PLCG2: variants seen among roughly 807,000 people sequenced by gnomAD.
PLCG2 encodes phospholipase C gamma 2.
Under a neutral mutation model 175.6 loss-of-function variants are expected in PLCG2, and 69 were observed. The observed-to-expected ratio is 0.39, with a 90% CI of 0.32 to 0.48. The LOEUF is 0.48. Ranked by LOEUF, PLCG2 falls within the 20% of genes least tolerant of loss-of-function variation. PLCG2 has a pLI of 0.91. For missense variants in PLCG2, 1,798 were observed against 1,650.9 expected (o/e 1.09, Z -1.54); for synonymous variants, 827 against 624.0 (o/e 1.33, Z -4.85).
chr16:81,757,747 C>T (rs1299455767), intron 2 of PLCG2, among the ~76,000 whole-genome samples: 1 of 152,076 alleles, frequency 6.6e-6, no homozygotes, highest in Admixed American at 6.6e-5. Flanking sequence ...ACATCATCAC[C>T]ACAATCAATT....
chr16:81,753,301 T>G (rs1909849887), intron 1 of PLCG2, among the ~76,000 whole-genome samples: 2 of 147,450 alleles, frequency 1.4e-5, no homozygotes, highest in Admixed American at 6.8e-5. Flanking sequence ...TGGTCATTGG[T>G]GGGTTATGCC....
At chr16:81,776,218 C>G (rs1356199707), upstream of PLCG2, among the ~76,000 whole-genome samples, 1 of 150,738 alleles carries the variant, frequency 6.6e-6, no homozygotes, top group Non-Finnish European at 1.5e-5. Flanking sequence ...AGGCCATTCT[C>G]CTGCCTCAGC....
At chr16:81,890,320 A>G (rs1908571466) in intron 10 of PLCG2, among the ~76,000 whole-genome samples, 1 of 152,310 alleles carries the variant, frequency 6.6e-6, no homozygotes, top group East Asian at 1.9e-4. Context: ...AAGGGCTGGT[A>G]TTTAAACTAT....
intron 2 of PLCG2, among the ~76,000 whole-genome samples, chr16:81,786,684 T>C (rs1396028049): frequency 6.6e-6 from 1 of 152,232 alleles, no homozygotes. Context: ...AGGTCTGGTC[T>C]TGGTAGAGGT....
At chr16:81,759,847 C>A (rs1407919611) in intron 2 of PLCG2, among the ~76,000 whole-genome samples, 2 of 152,242 alleles carry the variant, frequency 1.3e-5, no homozygotes, top group East Asian at 1.9e-4. Context: ...ACAATGTAGG[C>A]CGGGCGTGGT....
At chr16:81,883,988 C>T (rs1908223077) in intron 9 of PLCG2, among the ~76,000 whole-genome samples, 2 of 152,198 alleles carry the variant, frequency 1.3e-5, no homozygotes, top group Non-Finnish European at 2.9e-5. Flanking sequence ...CGGCATCTAG[C>T]AGGTCAACAC....
In PLCG2 at chr16:81,767,136, G is replaced by GTTT. The variant is rs66799783; in HGVS notation, c.-48+11194_-48+11196dup. On this transcript the variant is annotated intron_variant, in intron 2 of 5. Transcript: ENST00000565054. ...ACCCCATTCAACTGATAAACTCGTG[G>GTTT]TTTTTTTTTTTTTTTTTTTTTTTTT... Among the ~76,000 whole-genome samples, 52 of 71,776 alleles carry GTTT rather than the reference G, an allele frequency of 7.2e-4. 5 individuals carry two copies. Among genetic ancestry groups the GTTT allele is most frequent in the African/African-American group, 1.9e-3 (33 of 17,056 alleles). The allele number at this position is 71,776 out of a possible 152,430, so 47.1% of individuals were successfully genotyped here.
intron 19 of PLCG2, among the ~76,000 whole-genome samples, chr16:81,914,521 G>A (rs1909760058): frequency 1.3e-5 from 2 of 152,198 alleles, no homozygotes; most frequent in South Asian, 4.1e-4. Flanking sequence ...GCCCCATTCA[G>A]TTTGTGAGCT....
intron 13 of PLCG2, among the ~76,000 whole-genome samples, chr16:81,898,966 A>T (rs551127753): frequency 6.6e-6 from 1 of 152,066 alleles, no homozygotes; most frequent in Non-Finnish European, 1.5e-5. Flanking sequence ...GGGTGGATCA[A>T]CTGAATTCAG....
intron 4 of PLCG2, 133 bp from the exon 5 acceptor site, chr16:81,858,983 C>G: frequency 3.5e-6 from 2 of 570,686 alleles, no homozygotes; most frequent in Non-Finnish European, 6.2e-6. Context: ...CCAAGCTGCC[C>G]TTGTTAGAAA....
intron 22 of PLCG2, among the ~76,000 whole-genome samples, chr16:81,924,568 T>C (rs9938623): frequency 0.61 from 93,067 of 152,106 alleles, 28,704 homozygotes; most frequent in East Asian, 0.78. Context: ...GCCAGGCCTT[T>C]TGACTCCAGA....
intron 5 of PLCG2, among the ~76,000 whole-genome samples, chr16:81,860,912 G>A (rs1906947700): frequency 6.6e-6 from 1 of 152,142 alleles, no homozygotes; most frequent in Non-Finnish European, 1.5e-5. Context: ...GGGAGGTGGA[G>A]GTTGCAGTGA....
chr16:81,901,326 C>T (rs1402887034), intron 14 of PLCG2, among the ~76,000 whole-genome samples: 1 of 152,144 alleles, frequency 6.6e-6, no homozygotes, highest in African/African-American at 2.4e-5. Flanking sequence ...CCTAGGGATG[C>T]CATGGTAACA....
At chr16:81,752,154 G>T (rs147491554) in intron 1 of PLCG2, among the ~76,000 whole-genome samples, 1 of 152,142 alleles carries the variant, frequency 6.6e-6, no homozygotes, top group African/African-American at 2.4e-5. Context: ...CTGAGTGCTG[G>T]GTGCTGAGCT....
At chr16:81,836,268 C>T (rs1055689564) in intron 2 of PLCG2, among the ~76,000 whole-genome samples, 1 of 152,162 alleles carries the variant, frequency 6.6e-6, no homozygotes, top group Non-Finnish European at 1.5e-5. Context: ...CCCAAGGTCA[C>T]ACAGTAAGGT....
intron 2 of PLCG2, among the ~76,000 whole-genome samples, chr16:81,837,155 A>G (rs71400178): frequency 0.058 from 8,907 of 152,340 alleles, 292 homozygotes; most frequent in Middle Eastern, 0.075. Flanking sequence ...ACAAACTAGC[A>G]AACTCAAAGA....
intron 2 of PLCG2, among the ~76,000 whole-genome samples, chr16:81,850,576 C>G (rs774786813): frequency 1.1e-4 from 16 of 152,092 alleles, no homozygotes; most frequent in Admixed American, 2.0e-4. Flanking sequence ...TTTATTGGAG[C>G]TTATGCCCAG....
intron 12 of PLCG2, among the ~76,000 whole-genome samples, chr16:81,894,252 G>T (rs1014136535): frequency 1.3e-5 from 2 of 151,968 alleles, no homozygotes; most frequent in Non-Finnish European, 2.9e-5. Context: ...GACATGGTGA[G>T]ATCGTATCAT....
At chr16:81,745,045 A>T (rs1431621049) in intron 1 of PLCG2, among the ~76,000 whole-genome samples, 1 of 152,182 alleles carries the variant, frequency 6.6e-6, no homozygotes, top group Non-Finnish European at 1.5e-5. Context: ...TTTCCTGTTG[A>T]TTCCATAAAC....
Sources: allele counts gnomAD v4.1 joint callset (sites outside exome capture counted in the v4.1 genomes callset), GRCh38; gene constraint gnomAD v4.1.1; transcripts MANE v1.5; gene names NCBI Gene and HGNC (gene_info 2026-07-23, HGNC 2026-07-21).